BBS5: variants seen among roughly 807,000 people sequenced by gnomAD.
The protein encoded by BBS5 is BBSome complex member BBS5.
In BBS5, 39 loss-of-function variants were observed where a neutral mutation model predicts 50.2. The ratio of observed to expected loss-of-function variants is 0.78; its 90% confidence interval spans 0.60 to 1.01. BBS5 has a LOEUF of 1.01. BBS5 is among the 50% of genes least tolerant of loss of function. BBS5 has a pLI of 0.00. For synonymous variants in BBS5, 134 were observed against 133.1 expected, an observed-to-expected ratio of 1.01 and a Z score of -0.05; for missense variants, 356 against 401.5, an observed-to-expected ratio of 0.89 and a Z score of 0.97.
At chr2:169,502,525 A>AT (rs1314130604) in intron 9 of BBS5, among the ~76,000 whole-genome samples, 11 of 152,212 alleles carry the variant, frequency 7.2e-5, no homozygotes, top group Admixed American at 7.2e-4. Context: ...ATTGTGTCTT[A>AT]TATTTTCCTC....
In BBS5 at chr2:169,505,954, G is replaced by A. The variant is rs1574346691; in HGVS notation, c.*1372G>A. 3.4e-5 allele frequency: 2 copies of A among 59,352 alleles called. No homozygotes were observed. The highest frequency in any genetic ancestry group is 4.8e-4 in the Admixed American group (2 of 4,134). 3.7% of individuals were successfully genotyped at this position (59,352 alleles called of 1,614,324 possible). A position where few individuals can be genotyped will look rare whatever the true frequency, so the allele number is the denominator to read the frequency against. On this transcript the variant is annotated 3_prime_UTR_variant, in exon 12 of 12. Coordinates refer to ENST00000295240, the MANE Select transcript of BBS5 (RefSeq NM_152384.3). ...CAGCCACCCCGTCCGGGAGGGAGGT[G>A]GGGGGGTCAGCCCCCCGCCCGGCCA...
Position 169,495,933 on chromosome 2 carries a change from G to A in BBS5, c.619-1694G>A, listed in dbSNP as rs367551332. Among the ~76,000 whole-genome samples, 13 of 152,250 alleles carry A rather than the reference G, an allele frequency of 8.5e-5. No individual in the cohort carries two copies. The East Asian group carries it at 1.2e-3, about 14-fold the overall frequency. ...TCAGCCTATATAGGCGTGAGCCCCCGCCCCTGGTCAGTGTTCTATGATTCT... is the reference window on the plus strand; with the variant it reads ...TCAGCCTATATAGGCGTGAGCCCCCACCCCTGGTCAGTGTTCTATGATTCT... On this transcript the variant is annotated intron_variant, in intron 7 of 11. Coordinates refer to ENST00000295240, the MANE Select transcript of BBS5 (RefSeq NM_152384.3).
intron 7 of BBS5, among the ~76,000 whole-genome samples, chr2:169,496,366 T>A (rs1683691336): frequency 6.6e-6 from 1 of 152,226 alleles, no homozygotes; most frequent in Admixed American, 6.5e-5. Context: ...CCTTGATGTC[T>A]AGTGATAAAT....
intron 7 of BBS5, among the ~76,000 whole-genome samples, chr2:169,497,088 G>A (rs2105300063): frequency 6.6e-6 from 1 of 152,344 alleles, no homozygotes; most frequent in African/African-American, 2.4e-5. Context: ...GGGAGACCAA[G>A]AAAGGAGGAT....
intron 9 of BBS5, among the ~76,000 whole-genome samples, chr2:169,502,485 T>G (rs116729322): frequency 0.047 from 7,087 of 152,284 alleles, 189 homozygotes; most frequent in East Asian, 0.11. Flanking sequence ...GCAGTTTCTT[T>G]TGGTTCAACA....
rs1683368480 is a variant in BBS5, at chr2:169,480,419, A to ATGG, written c.59+808_59+810dup. ...TAGCTACTTCTTATCGTTCCTTATCATGGACCTCCCCTCCTTAGGTGGAAT... is the reference window on the plus strand; with the variant it reads ...TAGCTACTTCTTATCGTTCCTTATCATGGTGGACCTCCCCTCCTTAGGTGGAAT... On this transcript the variant is annotated intron_variant, in intron 1 of 11. Coordinates refer to ENST00000295240, the MANE Select transcript of BBS5 (RefSeq NM_152384.3). Among the ~76,000 whole-genome samples the ATGG allele has an allele frequency of 2.0e-5, 3 of 152,172 alleles. No individual in the cohort carries two copies. The Middle Eastern group carries it at 0.01, about 518-fold the overall frequency.
chr2:169,495,653 G>A (rs1253831071), intron 7 of BBS5, among the ~76,000 whole-genome samples: 9 of 152,126 alleles, frequency 5.9e-5, no homozygotes, highest in Admixed American at 5.9e-4. Context: ...CCAGTGTTCT[G>A]TGATTCTTTC....
chr2:169,501,374 A>G (rs1195174256), intron 9 of BBS5, among the ~76,000 whole-genome samples: 1 of 152,182 alleles, frequency 6.6e-6, no homozygotes, highest in Non-Finnish European at 1.5e-5. Flanking sequence ...CCTGACTTTC[A>G]ATCCCAGTTT....
At chr2:169,494,529 C>T (rs768430517) in intron 7 of BBS5, among the ~76,000 whole-genome samples, 4 of 150,206 alleles carry the variant, frequency 2.7e-5, no homozygotes, top group Admixed American at 1.3e-4. Flanking sequence ...CCAGCATGGG[C>T]GACATAGCTA....
intron 6 of BBS5, 72 bp downstream of exon 6, chr2:169,493,081 T>G (rs1683630165): frequency 6.6e-7 from 1 of 1,524,550 alleles, no homozygotes; most frequent in Non-Finnish European, 9.1e-7. Context: ...ATCATTGGAT[T>G]TATATAGTCA....
At position 169,479,607 on chromosome 2, in the gene BBS5, C is replaced by G. The variant is rs769662125; in HGVS notation, c.54C>G (p.Ser18=). 1.2e-6 allele frequency: 2 copies of G among 1,614,140 alleles called. No individual in the cohort carries two copies. The highest frequency in any genetic ancestry group is 1.7e-6 in the Non-Finnish European group (2 of 1,179,986). ...ATCGGGATGTCCGTTTCGACCTGTC[C>G]GCGCAGTGAGTTTCCAAGATTCCCG... The part of the protein sequence containing the change: ...WEDRDVRFDL[S]AQQMKTRPGE... The change falls in exon 1 of 12, where the codon TCC becomes TCG. Residue 18 remains serine, a synonymous_variant. Coordinates refer to ENST00000295240, the MANE Select transcript of BBS5 (RefSeq NM_152384.3).
At chr2:169,499,328 A>G in intron 8 of BBS5, 158 bp from the exon 9 acceptor site, 2 of 741,632 alleles carry the variant, frequency 2.7e-6, no homozygotes, top group Non-Finnish European at 4.3e-6. Flanking sequence ...CTGTTTTTGT[A>G]TGTGCTTGAA....
intron 1 of BBS5, among the ~76,000 whole-genome samples, chr2:169,480,806 A>C (rs12994663): frequency 0.7 from 105,534 of 150,548 alleles, 38,164 homozygotes; most frequent in South Asian, 0.78. Context: ...CTCAGCCTCC[A>C]GAGTAGCTGG....
intron 7 of BBS5, 127 bp from the exon 8 acceptor site, chr2:169,497,500 A>C (rs1683713836): frequency 3.2e-6 from 2 of 626,068 alleles, no homozygotes; most frequent in Admixed American, 5.5e-5. Flanking sequence ...TTAATGAAGG[A>C]AGGAGGGAGA....
At chr2:169,501,068 T>G (rs2105302406) in intron 9 of BBS5, among the ~76,000 whole-genome samples, 1 of 152,348 alleles carries the variant, frequency 6.6e-6, no homozygotes, top group East Asian at 1.9e-4. Context: ...CTTAGTAATT[T>G]AAATAATTAT....
chr2:169,487,639 T>C (rs878961019), intron 3 of BBS5, 167 bp from the exon 4 acceptor site: 1 of 495,312 alleles, frequency 2.0e-6, no homozygotes, highest in Non-Finnish European at 3.5e-6. Flanking sequence ...CTAGTTTTTT[T>C]AATTATTTAA....
chr2:169,481,773 T>C (rs1683402019), intron 1 of BBS5, among the ~76,000 whole-genome samples: 1 of 152,164 alleles, frequency 6.6e-6, no homozygotes, highest in African/African-American at 2.4e-5. Context: ...CTGATGTCCT[T>C]TCCTCTACTC....
At position 169,505,342 on chromosome 2, in the gene BBS5, A is replaced by G; in HGVS notation, c.*760A>G. On this transcript the variant is annotated 3_prime_UTR_variant, in exon 12 of 12. Transcript: ENST00000295240. ...CCCAGCTGCCTGCCTTGGCCTCCCG[A>G]AGTGCCAAGAGTGCAGCCTCTGCCC... 2.7e-6 allele frequency: 1 copy of G among 364,708 alleles called. No individual in the cohort carries two copies. Among genetic ancestry groups the G allele is most frequent in the South Asian group, 2.2e-5 (1 of 45,642 alleles). The allele number at this position is 364,708 out of a possible 1,614,324, so 22.6% of individuals were successfully genotyped here.
chr2:169,504,210 T>TA, intron 10 of BBS5, 93 bp from the exon 11 acceptor site: 1 of 1,108,996 alleles, frequency 9.0e-7, no homozygotes, highest in South Asian at 1.3e-5. Context: ...CATTTAGTTA[T>TA]AAAATCATTC....
Sources: allele counts gnomAD v4.1 joint callset (sites outside exome capture counted in the v4.1 genomes callset), GRCh38; gene constraint gnomAD v4.1.1; transcripts MANE v1.5; gene names NCBI Gene and HGNC (gene_info 2026-07-23, HGNC 2026-07-21).